Variants in EXOC6B observed in about 807,000 individuals in gnomAD.
EXOC6B encodes exocyst complex component 6B.
Under a neutral mutation model 113.5 loss-of-function variants are expected in EXOC6B, and 54 were observed. The ratio of observed to expected loss-of-function variants is 0.48; its 90% CI spans 0.38 to 0.60. The LOEUF is 0.60. Among genes scored for constraint, EXOC6B ranks in the 20% least tolerant of loss-of-function variants. The probability of loss-of-function intolerance (pLI) is 0.00; values close to 1 mark genes in which losing one functional copy is unlikely to be tolerated. For missense variants in EXOC6B, 797 were observed against 977.5 expected (o/e 0.82, Z 2.46); for synonymous variants, 357 against 339.0 (o/e 1.05, Z -0.58).
intron 20 of EXOC6B, among the ~76,000 whole-genome samples, chr2:72,257,357 G>A (rs964838189): frequency 1.3e-5 from 2 of 152,116 alleles, no homozygotes; most frequent in African/African-American, 4.8e-5. Context: ...TTGGCTCTCA[G>A]ATTAACCTTT....
intron 20 of EXOC6B, among the ~76,000 whole-genome samples, chr2:72,300,773 T>C (rs1686463514): frequency 6.6e-6 from 1 of 152,090 alleles, no homozygotes; most frequent in African/African-American, 2.4e-5. Context: ...TTCCCTTGGC[T>C]GGGGGAGGGA....
intron 6 of EXOC6B, among the ~76,000 whole-genome samples, chr2:72,689,489 TAGA>T (rs1677332499): frequency 2.0e-5 from 3 of 152,216 alleles, no homozygotes; most frequent in Non-Finnish European, 4.4e-5. Flanking sequence ...TACACCACAG[TAGA>T]AGGACTGGGA....
intron 5 of EXOC6B, among the ~76,000 whole-genome samples, chr2:72,729,412 AT>A (rs547305397): frequency 0.025 from 3,312 of 133,260 alleles, 68 homozygotes; most frequent in East Asian, 0.14. Context: ...TACACAGGTG[AT>A]TTTTTTTTTT....
At chr2:72,253,924 G>A (rs548072563) in intron 20 of EXOC6B, among the ~76,000 whole-genome samples, 7 of 152,284 alleles carry the variant, frequency 4.6e-5, no homozygotes, top group African/African-American at 1.4e-4. Context: ...ACTTCGGGAG[G>A]CTGAGGCGGG....
intron 6 of EXOC6B, among the ~76,000 whole-genome samples, chr2:72,630,236 A>AT (rs1672304613): frequency 6.6e-6 from 1 of 152,154 alleles, no homozygotes; most frequent in African/African-American, 2.4e-5. Flanking sequence ...TCTAACATGC[A>AT]TCATCCTCTA....
At chr2:72,348,201 C>T (rs768343028) in intron 19 of EXOC6B, among the ~76,000 whole-genome samples, 10 of 152,096 alleles carry the variant, frequency 6.6e-5, no homozygotes, top group Non-Finnish European at 1.3e-4. Flanking sequence ...GGGTCACTTT[C>T]GTAAGGACAC....
chr2:72,706,521 GC>G (rs1169794512), intron 6 of EXOC6B, among the ~76,000 whole-genome samples: 3 of 152,144 alleles, frequency 2.0e-5, no homozygotes, highest in Non-Finnish European at 4.4e-5. Flanking sequence ...GCAGGCATGT[GC>G]CACTACACCC....
chr2:72,421,079 C>A (rs923225489), intron 18 of EXOC6B, among the ~76,000 whole-genome samples: 1 of 152,032 alleles, frequency 6.6e-6, no homozygotes, highest in Admixed American at 6.6e-5. Context: ...CTTTTTGATG[C>A]AGTTGTTTAT....
chr2:72,185,652 A>G (rs971870193), intron 20 of EXOC6B, among the ~76,000 whole-genome samples: 5 of 151,998 alleles, frequency 3.3e-5, no homozygotes, highest in Admixed American at 6.5e-5. Flanking sequence ...GGCTTCTACC[A>G]CTTCCTTCTG....
At chr2:72,217,911 A>G (rs1234614211) in intron 20 of EXOC6B, among the ~76,000 whole-genome samples, 1 of 152,226 alleles carries the variant, frequency 6.6e-6, no homozygotes, top group Non-Finnish European at 1.5e-5. Flanking sequence ...TATGTACCAG[A>G]CACTATGCTA....
Position 72,179,443 on chromosome 2 carries a change from G to C in EXOC6B, c.2328C>G (p.Arg776=), listed in dbSNP as rs761714583. The C allele has an allele frequency of 8.7e-6, 14 of 1,613,858 alleles. No homozygotes were observed. Among genetic ancestry groups the C allele is most frequent in the Non-Finnish European group, 1.2e-5 (14 of 1,179,868 alleles). ...GAAACTGTGCAAACATGTTGTTCTT[G>C]CGGCTAGTATCCTTCATCCTAAACA... ...TLLEKMKDTS[R]KNNMFAQFRK... Residue 776 remains arginine (R), a synonymous_variant, in exon 22 of 22, where the codon CGC becomes CGG. Coordinates refer to ENST00000272427, the MANE Select transcript of EXOC6B (RefSeq NM_015189.3).
At chr2:72,316,062 A>G (rs1687494232) in intron 20 of EXOC6B, among the ~76,000 whole-genome samples, 1 of 152,200 alleles carries the variant, frequency 6.6e-6, no homozygotes, top group Non-Finnish European at 1.5e-5. Flanking sequence ...ATTCTGGCAT[A>G]ATTTTGGAGC....
chr2:72,512,367 A>AAAGAAGGAAG (rs1558748450), intron 11 of EXOC6B, among the ~76,000 whole-genome samples: 1 of 13,628 alleles, frequency 7.3e-5, no homozygotes, highest in Non-Finnish European at 1.8e-4. Flanking sequence ...AAGGAAGGAA[A>AAAGAAGGAAG]GAAGGAAGGA....
chr2:72,439,662 G>A (rs7571517), intron 18 of EXOC6B, among the ~76,000 whole-genome samples: 36,265 of 152,080 alleles, frequency 0.24, 7,349 homozygotes, highest in African/African-American at 0.56. Context: ...TTGGTTTCAA[G>A]GTACTCCTTT....
At chr2:72,606,502 A>G (rs541873835) in intron 6 of EXOC6B, among the ~76,000 whole-genome samples, 1 of 152,326 alleles carries the variant, frequency 6.6e-6, no homozygotes, top group Admixed American at 6.5e-5. Flanking sequence ...TCTAAGGCAG[A>G]AGAATCACTT....
chr2:72,643,097 A>C (rs1190920708), intron 6 of EXOC6B, among the ~76,000 whole-genome samples: 2 of 152,068 alleles, frequency 1.3e-5, no homozygotes, highest in African/African-American at 2.4e-5. Flanking sequence ...GGCAATCATT[A>C]AAAAATCAGG....
intron 6 of EXOC6B, among the ~76,000 whole-genome samples, chr2:72,701,817 C>A (rs1008329075): frequency 1.3e-5 from 2 of 152,242 alleles, no homozygotes; most frequent in Middle Eastern, 6.8e-3. Context: ...GCACTGCAAA[C>A]TGTTTTTAAA....
Position 72,695,072 on chromosome 2 carries a change from C to A in EXOC6B, c.669+23031G>T, listed in dbSNP as rs1677774301. Reference sequence around the variant, plus strand: ...ACCAGGAGAACTGTCAACACAGGCACACTGCCAACCAGGGGAGAGGTTACA... The same window carrying A: ...ACCAGGAGAACTGTCAACACAGGCAAACTGCCAACCAGGGGAGAGGTTACA... On this transcript the variant is annotated intron_variant, in intron 6 of 21. Transcript: ENST00000272427. Among the ~76,000 whole-genome samples, 3 of 152,330 alleles carry A rather than the reference C, an allele frequency of 2.0e-5. No individual in the cohort carries two copies. In the South Asian group the frequency reaches 6.2e-4, roughly 32 times the overall value.
intron 6 of EXOC6B, among the ~76,000 whole-genome samples, chr2:72,689,053 A>AT: frequency 6.6e-6 from 1 of 152,352 alleles, no homozygotes; most frequent in South Asian, 2.1e-4. Context: ...TATGACTACC[A>AT]TTTTAAACTT....
Sources: allele counts gnomAD v4.1 joint callset (sites outside exome capture counted in the v4.1 genomes callset), GRCh38; gene constraint gnomAD v4.1.1; transcripts MANE v1.5; gene names NCBI Gene and HGNC (gene_info 2026-07-23, HGNC 2026-07-21).